Variants in PCDHGA6 observed in about 807,000 individuals in gnomAD.
PCDHGA6 encodes protocadherin gamma-A6.
A neutral mutation model predicts 60.6 loss-of-function variants in PCDHGA6; 41 were observed. The ratio of observed to expected loss-of-function variants is 0.68; its 90% CI spans 0.53 to 0.88. The LOEUF (loss-of-function observed/expected upper bound fraction) is 0.88. Ranked by LOEUF, PCDHGA6 falls within the 40% of genes least tolerant of loss-of-function variation. PCDHGA6 has a pLI of 0.00. For missense variants in PCDHGA6, 1,312 were observed against 1,203.0 expected (o/e 1.09, Z -1.34); for synonymous variants, 594 against 524.4 (o/e 1.13, Z -1.81).
Position 141,495,110 on chromosome 5 carries a change from T to C in PCDHGA6, c.2483+245T>C, listed in dbSNP as rs74534116. Among the ~76,000 whole-genome samples the C allele has an allele frequency of 3.9e-3, 595 of 152,212 alleles. 3 individuals carry two copies. The highest frequency in any genetic ancestry group is 0.013 in the African/African-American group (538 of 41,532). On this transcript the variant is annotated intron_variant, in intron 2 of 3. Coordinates refer to ENST00000517434, the MANE Select transcript of PCDHGA6 (RefSeq NM_018919.3). The stretch of plus-strand genomic sequence containing the variant: ...TTCCCTCCTCGCCACGACCGGCACC[T>C]TTTCCTATCCCCTGAGGGCACTGTG...
chr5:141,475,862 T>G, intron 1 of PCDHGA6: 1 of 492,756 alleles, frequency 2.0e-6, no homozygotes, highest in Non-Finnish European at 3.6e-6. Context: ...GCTAGCTCAT[T>G]CTTCGTGCAG....
At chr5:141,422,149 C>G in intron 1 of PCDHGA6, 1 of 1,577,238 alleles carries the variant, frequency 6.3e-7, no homozygotes. Context: ...ACGGGGGTCT[C>G]TGGATTTTGA....
chr5:141,510,252 G>A (rs1342841474), intron 3 of PCDHGA6, among the ~76,000 whole-genome samples: 4 of 148,432 alleles, frequency 2.7e-5, no homozygotes, highest in Admixed American at 1.3e-4. Context: ...CAGGCTGGGC[G>A]ACAGAGCAGG....
At position 141,487,219 on chromosome 5, in the gene PCDHGA6, A is replaced by G. The variant is rs750819958; in HGVS notation, c.2425-7588A>G. ...CAGATCTTCGAGAATCTTCAGCTCC[A>G]AGGGAAGGAGAATCTCGTCTAACCC... On this transcript the variant is annotated intron_variant, in intron 1 of 3. Transcript: ENST00000517434. This position sits in a 1 kb window ranked among gnomAD's most constrained non-coding sequence, Gnocchi z 5.0. The G allele has an allele frequency of 1.2e-6, 2 of 1,613,952 alleles. No individual in the cohort carries two copies. The highest frequency in any genetic ancestry group is 3.3e-5 in the Admixed American group (2 of 60,020).
At chr5:141,459,199 A>G (rs930769883) in intron 1 of PCDHGA6, among the ~76,000 whole-genome samples, 6 of 152,200 alleles carry the variant, frequency 3.9e-5, no homozygotes, top group African/African-American at 1.4e-4. Flanking sequence ...TTTGCAATCA[A>G]TTCACTACTT....
chr5:141,509,115 G>C (rs1480955058), intron 3 of PCDHGA6, among the ~76,000 whole-genome samples: 1 of 152,186 alleles, frequency 6.6e-6, no homozygotes, highest in Non-Finnish European at 1.5e-5. Flanking sequence ...GAGCGCTGGT[G>C]CGTGAAGAGA....
intron 1 of PCDHGA6, chr5:141,395,540 GTT>G (rs1195680754): frequency 2.1e-5 from 4 of 186,176 alleles, no homozygotes; most frequent in South Asian, 7.0e-5. Flanking sequence ...TTTTGCTATT[GTT>G]TGTGTGTGTG....
intron 1 of PCDHGA6, chr5:141,428,221 G>A (rs1314522513): frequency 5.9e-6 from 7 of 1,177,278 alleles, no homozygotes; most frequent in Non-Finnish European, 8.6e-6. Context: ...CCTAGTCTTC[G>A]CAGACAGCCT....
At chr5:141,429,329 A>G (rs1561840804) in intron 1 of PCDHGA6, among the ~76,000 whole-genome samples, 1 of 152,122 alleles carries the variant, frequency 6.6e-6, no homozygotes, top group Non-Finnish European at 1.5e-5. Flanking sequence ...TCTTTAATCC[A>G]TTAACTATAA....
At chr5:141,401,478 T>A (rs2094159554) in intron 1 of PCDHGA6, among the ~76,000 whole-genome samples, 1 of 152,186 alleles carries the variant, frequency 6.6e-6, no homozygotes. Flanking sequence ...TTTATCCAGG[T>A]TTTCTTGGAT....
intron 1 of PCDHGA6, chr5:141,400,772 G>T: frequency 1.8e-6 from 1 of 570,264 alleles, no homozygotes. Context: ...AAAACATTTG[G>T]TGCGTTTTTT....
rs187307897 is a variant in PCDHGA6 at position 141,505,900 on chromosome 5, A to G, written c.2572+419A>G. 2.6e-4 allele frequency among the ~76,000 whole-genome samples: 39 copies of G among 152,296 alleles called. 1 individual carries two copies. In the East Asian group the frequency reaches 6.8e-3, roughly 26 times the overall value. ...TGTAGAGATTAAATGAGATGATACCACAAAGCATAGAGTTCTGGGCCTGGC... is the reference window on the plus strand; with the variant it reads ...TGTAGAGATTAAATGAGATGATACCGCAAAGCATAGAGTTCTGGGCCTGGC... On this transcript the variant is annotated intron_variant, in intron 3 of 3. Transcript: ENST00000517434.
chr5:141,389,818 G>A (rs778055680), intron 1 of PCDHGA6: 1 of 1,613,888 alleles, frequency 6.2e-7, no homozygotes, highest in Non-Finnish European at 8.5e-7. Flanking sequence ...GTCGCCGTGC[G>A]TGACGGTGGA....
chr5:141,480,240 C>CAA (rs11374694), intron 1 of PCDHGA6, among the ~76,000 whole-genome samples: 156 of 114,060 alleles, frequency 1.4e-3, no homozygotes, highest in Admixed American at 4.6e-3. Flanking sequence ...CCTGTCTCTA[C>CAA]AAAAAAAAAA....
intron 1 of PCDHGA6, chr5:141,410,799 C>T: frequency 2.9e-5 from 16 of 560,592 alleles, no homozygotes; most frequent in South Asian, 8.0e-5. Context: ...ATAAGTTGCT[C>T]TATCTTTTTG....
intron 1 of PCDHGA6, chr5:141,408,674 A>C (rs1005052894): frequency 6.2e-7 from 1 of 1,613,882 alleles, no homozygotes; most frequent in African/African-American, 1.3e-5. Flanking sequence ...TGACCCTGCC[A>C]CGGATCCTGA....
intron 1 of PCDHGA6, among the ~76,000 whole-genome samples, chr5:141,436,848 AT>A (rs1247905529): frequency 6.6e-6 from 1 of 152,244 alleles, no homozygotes; most frequent in African/African-American, 2.4e-5. Flanking sequence ...CACATTCTTG[AT>A]TGAGAAGCCA....
chr5:141,398,866 T>C, intron 1 of PCDHGA6: 1 of 1,613,962 alleles, frequency 6.2e-7, no homozygotes, highest in Non-Finnish European at 8.5e-7. Flanking sequence ...CCGAGACGTG[T>C]ACAGAGTCAG....
Position 141,384,308 on chromosome 5 carries a change from C to G in PCDHGA6, c.2424+7801C>G, listed in dbSNP as rs974367218. On this transcript the variant is annotated intron_variant, in intron 1 of 3. Transcript: ENST00000517434. ...GCTGAGAACAACCCCAGAGGGGCCT[C>G]CATTTTCTTAGTGACTGCACAGGAC... The G allele has an allele frequency of 1.5e-5, 25 of 1,613,736 alleles. No homozygotes were observed. The highest frequency in any genetic ancestry group is 2.1e-5 in the Non-Finnish European group (25 of 1,179,896).
Sources: gnomAD v4.1 joint callset for allele counts (sites outside exome capture counted in the v4.1 genomes callset) on GRCh38, gnomAD v4.1.1 for gene constraint, Gnocchi (gnomAD v3.1) non-coding constraint, MANE v1.5 for transcripts, NCBI Gene and HGNC (gene_info 2026-07-23, HGNC 2026-07-21) for gene names.